The following CPHXL2 variants were observed in gnomAD, a reference collection of about 807,000 sequenced individuals.
The protein encoded by CPHXL2 is cytoplasmic polyadenylated homeobox like 2.
At chr16:75,664,538 T>G in the CPHXL2 span, among the ~76,000 whole-genome samples, 1 of 150,462 alleles carries the variant, frequency 6.6e-6, no homozygotes, top group Non-Finnish European at 1.5e-5. Flanking sequence ...GGCAGGAGAA[T>G]TGCTTGAACT....
At chr16:75,666,420 G>T in the CPHXL2 span, among the ~76,000 whole-genome samples, 3 of 152,080 alleles carry the variant, frequency 2.0e-5, no homozygotes, top group Non-Finnish European at 2.9e-5. Context: ...AGGAGTTCAG[G>T]ACCAGCCTGG....
the CPHXL2 span, among the ~76,000 whole-genome samples, chr16:75,662,432 TTCCCAGAAGTTGGAGGGTGGGGCTGAAAG>T: frequency 6.6e-5 from 10 of 151,580 alleles, no homozygotes; most frequent in Non-Finnish European, 1.5e-5. Flanking sequence ...CGCCTTCCCC[TTCCCAGAAGTTGGAGGGTGGGGCTGAAAG>T]TCCCAACCCT....
At chr16:75,664,952 T>G in the CPHXL2 span, among the ~76,000 whole-genome samples, 1 of 152,162 alleles carries the variant, frequency 6.6e-6, no homozygotes, top group Non-Finnish European at 1.5e-5. Context: ...CCTCCCTAAC[T>G]ATAAGAAATA....
chr16:75,669,646 C>G, the CPHXL2 span: 1 of 397,194 alleles, frequency 2.5e-6, no homozygotes, highest in Non-Finnish European at 4.4e-6. Context: ...GATTCCCTCC[C>G]CTTCCCAAGT....
chr16:75,675,160 G>T, the CPHXL2 span, among the ~76,000 whole-genome samples: 1 of 150,512 alleles, frequency 6.6e-6, no homozygotes, highest in Non-Finnish European at 1.5e-5. Context: ...CTGCACTCCA[G>T]GCTGGGTGAC....
At chr16:75,661,388 T>A in the CPHXL2 span, 1 of 396,284 alleles carries the variant, frequency 2.5e-6, no homozygotes, top group South Asian at 1.4e-4. Flanking sequence ...ACATTAAGGC[T>A]TATAAAAAAT....
At chr16:75,676,470 A>G in the CPHXL2 span, among the ~76,000 whole-genome samples, 1 of 152,150 alleles carries the variant, frequency 6.6e-6, no homozygotes, top group Non-Finnish European at 1.5e-5. Flanking sequence ...AACTACAGGC[A>G]TGCACCACAC....
the CPHXL2 span, among the ~76,000 whole-genome samples, chr16:75,670,631 C>G: frequency 7.9e-5 from 12 of 152,062 alleles, no homozygotes; most frequent in East Asian, 2.1e-3. Flanking sequence ...GCCTCAGCCT[C>G]CTGAGTAGCT....
chr16:75,674,060 CTT>C, the CPHXL2 span, among the ~76,000 whole-genome samples: 1 of 146,066 alleles, frequency 6.8e-6, no homozygotes, highest in African/African-American at 2.5e-5. Context: ...TTATGAATAA[CTT>C]TAACAAAAGA....
At chr16:75,669,291 G>T in the CPHXL2 span, 1 of 394,838 alleles carries the variant, frequency 2.5e-6, no homozygotes, top group South Asian at 1.3e-4. Flanking sequence ...ACTCCAGACT[G>T]GGCGACTGGA....
the CPHXL2 span, among the ~76,000 whole-genome samples, chr16:75,676,052 C>T: frequency 0.33 from 50,687 of 151,762 alleles, 8,688 homozygotes; most frequent in African/African-American, 0.38. Flanking sequence ...GCACTCCAGC[C>T]TGGGTGACAA....
At chr16:75,663,672 A>C in the CPHXL2 span, among the ~76,000 whole-genome samples, 1 of 152,054 alleles carries the variant, frequency 6.6e-6, no homozygotes, top group East Asian at 1.9e-4. Flanking sequence ...TCACGAGGTC[A>C]GGAGATTGAG....
the CPHXL2 span, chr16:75,669,399 C>T: frequency 2.5e-6 from 1 of 400,654 alleles, no homozygotes; most frequent in Middle Eastern, 3.1e-4. Context: ...ATTTGTTGGC[C>T]AGTGTTTTCC....
the CPHXL2 span, among the ~76,000 whole-genome samples, chr16:75,664,868 A>G: frequency 6.6e-6 from 1 of 152,230 alleles, no homozygotes; most frequent in East Asian, 1.9e-4. Flanking sequence ...GCCATGTGAT[A>G]CCCTGTACCA....
At chr16:75,663,932 G>A in the CPHXL2 span, among the ~76,000 whole-genome samples, 1 of 145,224 alleles carries the variant, frequency 6.9e-6, no homozygotes, top group African/African-American at 2.8e-5. Context: ...CTTCAAGTCT[G>A]ATAAGAAACA....
the CPHXL2 span, among the ~76,000 whole-genome samples, chr16:75,676,045 C>T: frequency 1.3e-5 from 2 of 152,108 alleles, no homozygotes; most frequent in Non-Finnish European, 2.9e-5. Context: ...CGCCATTGCA[C>T]TCCAGCCTGG....
chr16:75,675,689 T>C, the CPHXL2 span, among the ~76,000 whole-genome samples: 1 of 152,158 alleles, frequency 6.6e-6, no homozygotes, highest in Non-Finnish European at 1.5e-5. Flanking sequence ...GAACCTTTCA[T>C]CCCAAAGTTT....
the CPHXL2 span, among the ~76,000 whole-genome samples, chr16:75,661,674 G>C: frequency 6.6e-6 from 1 of 151,854 alleles, no homozygotes; most frequent in African/African-American, 2.4e-5. Flanking sequence ...TCTTCCACCA[G>C]GAAGAATTAA....
chr16:75,674,144 G>T, the CPHXL2 span, among the ~76,000 whole-genome samples: 1 of 151,016 alleles, frequency 6.6e-6, no homozygotes, highest in African/African-American at 2.4e-5. Context: ...GAGGCCAAGG[G>T]GGGTGGATCA....
Sources: gnomAD v4.1 joint callset for allele counts (sites outside exome capture counted in the v4.1 genomes callset) on GRCh38, gnomAD v4.1.1 for gene constraint, MANE v1.5 for transcripts, NCBI Gene and HGNC (gene_info 2026-07-23, HGNC 2026-07-21) for gene names.